PCDH9: variants seen among roughly 807,000 people sequenced by gnomAD.
PCDH9 encodes protocadherin 9.
Under a neutral mutation model 70.6 loss-of-function variants are expected in PCDH9, and 24 were observed. That is an observed-to-expected ratio of 0.34 (90% CI 0.25 to 0.48). The LOEUF (loss-of-function observed/expected upper bound fraction) is 0.48. Ranked by LOEUF, PCDH9 falls within the 20% of genes least tolerant of loss-of-function variation. PCDH9 has a pLI of 0.99. For missense variants in PCDH9, 1,281 were observed against 1,503.6 expected (o/e 0.85, Z 2.45); for synonymous variants, 562 against 558.5 (o/e 1.01, Z -0.09).
chr13:66,519,013 C>T (rs1035433507), intron 4 of PCDH9, among the ~76,000 whole-genome samples: 2 of 152,076 alleles, frequency 1.3e-5, no homozygotes, highest in African/African-American at 2.4e-5. Context: ...TCTGGATTCA[C>T]GTGGAAAGAC....
chr13:66,607,157 C>T (rs1253301332), intron 4 of PCDH9, among the ~76,000 whole-genome samples: 2 of 151,968 alleles, frequency 1.3e-5, no homozygotes, highest in African/African-American at 4.8e-5. Context: ...CTTGTGAAGG[C>T]TGTTAAGTAA....
rs560199430 is a variant in PCDH9 at position 66,474,040 on chromosome 13, T to C, written c.3340+157170A>G. On this transcript the variant is annotated intron_variant, in intron 4 of 4. Coordinates refer to ENST00000377865, the MANE Select transcript of PCDH9 (RefSeq NM_203487.3). ...CAAAATGTTTTCATTCACTTAGCTTTGTTTAATGTCAGCATTTAAGGAAAT... is the reference window on the plus strand; with the variant it reads ...CAAAATGTTTTCATTCACTTAGCTTCGTTTAATGTCAGCATTTAAGGAAAT... Among the ~76,000 whole-genome samples the C allele has an allele frequency of 8.5e-5, 13 of 152,318 alleles. No homozygotes were observed. In the East Asian group the frequency reaches 2.3e-3, roughly 27 times the overall value.
At chr13:66,323,841 C>G (rs1955795841) in intron 4 of PCDH9, among the ~76,000 whole-genome samples, 1 of 151,944 alleles carries the variant, frequency 6.6e-6, no homozygotes, top group Non-Finnish European at 1.5e-5. Context: ...TGAGGAAACA[C>G]ATACACTTGT....
chr13:66,406,602 T>C (rs1401723643), intron 4 of PCDH9, among the ~76,000 whole-genome samples: 1 of 152,218 alleles, frequency 6.6e-6, no homozygotes, highest in African/African-American at 2.4e-5. Flanking sequence ...CATCTTCGTG[T>C]GGCTTGTAAC....
intron 3 of PCDH9, among the ~76,000 whole-genome samples, chr13:66,755,160 G>A (rs1397085621): frequency 6.7e-6 from 1 of 148,608 alleles, no homozygotes; most frequent in East Asian, 1.9e-4. Context: ...GCCTAGAGCT[G>A]CAGTATAAAA....
rs372111571 is a variant in PCDH9, at chr13:66,480,036, G to A, written c.3340+151174C>T. Reference sequence around the variant, plus strand: ...ACCACATTTAAGAGCTGAAACACTCGCCACGAAGGTCCACAGCTTCATTCT... The same window carrying A: ...ACCACATTTAAGAGCTGAAACACTCACCACGAAGGTCCACAGCTTCATTCT... On this transcript the variant is annotated intron_variant, in intron 4 of 4. Transcript: ENST00000377865. 1.5e-4 allele frequency among the ~76,000 whole-genome samples: 23 copies of A among 152,230 alleles called. No individual in the cohort carries two copies. The East Asian group carries it at 1.7e-3, about 12-fold the overall frequency.
intron 2 of PCDH9, among the ~76,000 whole-genome samples, chr13:67,200,553 C>T (rs557114924): frequency 1.3e-5 from 2 of 152,116 alleles, no homozygotes; most frequent in Admixed American, 1.3e-4. Context: ...CTAGCTTTAC[C>T]ATTTTTCAAT....
intron 3 of PCDH9, among the ~76,000 whole-genome samples, chr13:66,738,220 C>CA: frequency 6.6e-6 from 1 of 151,558 alleles, no homozygotes. Flanking sequence ...AGGCACCCCC[C>CA]AGCAGGGGCA....
chr13:66,352,590 T>C (rs1956309921), intron 4 of PCDH9, among the ~76,000 whole-genome samples: 1 of 152,108 alleles, frequency 6.6e-6, no homozygotes, highest in Admixed American at 6.6e-5. Flanking sequence ...TGGTGTTTCT[T>C]CTTATGAGGA....
chr13:66,310,042 A>T lies in PCDH9; in HGVS notation c.3341-5014T>A, dbSNP rs572671054. On this transcript the variant is annotated intron_variant, in intron 4 of 4. Transcript: ENST00000377865. Reference sequence around the variant, plus strand: ...TCTATCATAAATTTTTTAAACACTGAAACATTTATTGATTTTTTTTAACTC... The same window carrying T: ...TCTATCATAAATTTTTTAAACACTGTAACATTTATTGATTTTTTTTAACTC... 2.0e-5 allele frequency among the ~76,000 whole-genome samples: 3 copies of T among 152,074 alleles called. No homozygotes were observed. The East Asian group carries it at 5.8e-4, about 29-fold the overall frequency.
intron 2 of PCDH9, among the ~76,000 whole-genome samples, chr13:67,087,094 A>AG (rs2138200317): frequency 6.6e-6 from 1 of 151,422 alleles, no homozygotes; most frequent in East Asian, 1.9e-4. Flanking sequence ...TTGTAAAAAA[A>AG]AAAAAAAAAA....
intron 3 of PCDH9, among the ~76,000 whole-genome samples, chr13:66,872,343 G>A (rs923153582): frequency 6.6e-6 from 1 of 152,014 alleles, no homozygotes; most frequent in Non-Finnish European, 1.5e-5. Flanking sequence ...TTTCCATCCA[G>A]AATTTTCACA....
At chr13:67,050,335 A>G (rs1413353803) in intron 2 of PCDH9, among the ~76,000 whole-genome samples, 3 of 152,200 alleles carry the variant, frequency 2.0e-5, no homozygotes, top group South Asian at 4.1e-4. Context: ...CAATTTTATC[A>G]TAATGAAAAC....
At chr13:66,861,376 A>G (rs796364554) in intron 3 of PCDH9, among the ~76,000 whole-genome samples, 7 of 152,252 alleles carry the variant, frequency 4.6e-5, no homozygotes, top group African/African-American at 1.7e-4. Flanking sequence ...TCTATTAGAA[A>G]CTTTTCCCCA....
At chr13:66,683,671 G>A (rs2078359974) in intron 3 of PCDH9, among the ~76,000 whole-genome samples, 1 of 152,132 alleles carries the variant, frequency 6.6e-6, no homozygotes, top group African/African-American at 2.4e-5. Context: ...AAAATATAGG[G>A]TTTTGTGTGA....
intron 3 of PCDH9, among the ~76,000 whole-genome samples, chr13:66,813,386 A>C (rs1350559808): frequency 6.6e-6 from 1 of 150,544 alleles, no homozygotes; most frequent in Non-Finnish European, 1.5e-5. Context: ...TCTGGTGTAC[A>C]GTTGATACTC....
At chr13:66,313,497 G>A (rs1338477818) in intron 4 of PCDH9, among the ~76,000 whole-genome samples, 1 of 152,188 alleles carries the variant, frequency 6.6e-6, no homozygotes, top group Non-Finnish European at 1.5e-5. Flanking sequence ...TCAGGCTGAA[G>A]TCCAAGTGAA....
chr13:66,880,291 C>T (rs2081900189), intron 3 of PCDH9: 2 of 152,168 alleles, frequency 1.3e-5, no homozygotes, highest in Admixed American at 6.5e-5. Context: ...CTAAACACAG[C>T]TGCCTAAAAA....
intron 2 of PCDH9, among the ~76,000 whole-genome samples, chr13:66,963,914 G>A (rs2083390610): frequency 6.6e-6 from 1 of 152,004 alleles, no homozygotes; most frequent in Non-Finnish European, 1.5e-5. Flanking sequence ...TAACATGTTA[G>A]ATGTTCTCTT....
Sources: allele counts gnomAD v4.1 joint callset (sites outside exome capture counted in the v4.1 genomes callset), GRCh38; gene constraint gnomAD v4.1.1; transcripts MANE v1.5; gene names NCBI Gene and HGNC (gene_info 2026-07-23, HGNC 2026-07-21).